TPR: variants seen among roughly 807,000 people sequenced by gnomAD.
The protein encoded by TPR is nucleoprotein TPR.
TPR carries 51 observed loss-of-function variants against 316.1 expected under a neutral mutation model. The observed-to-expected ratio is 0.16, with a 90% CI of 0.13 to 0.20. TPR has a LOEUF of 0.20. Ranked by LOEUF, TPR falls within the 10% of genes least tolerant of loss-of-function variation. The pLI, the probability that TPR is intolerant of heterozygous loss-of-function variation, is 1.00. For synonymous variants in TPR, 981 were observed against 914.7 expected (o/e 1.07, Z -1.31); for missense variants, 2,272 against 2,754.8 (o/e 0.82, Z 3.92).
At position 186,357,633 on chromosome 1, in the gene TPR, A is replaced by G. The variant is rs1232702311; in HGVS notation, c.1498-10T>C. 26 of 1,608,174 alleles carry G rather than the reference A, an allele frequency of 1.6e-5. No homozygotes were observed. The highest frequency in any genetic ancestry group is 2.1e-5 in the Non-Finnish European group (25 of 1,176,402). On this transcript the variant is annotated splice_polypyrimidine_tract_variant and intron_variant, in intron 13 of 50. Coordinates refer to ENST00000367478, the MANE Select transcript of TPR (RefSeq NM_003292.3). ...TCAAAAGCACTCTAATCTAAAAACA[A>G]AGTTTTAATATGTTATAAAATAGTA...
At chr1:186,360,057 CTA>C in intron 11 of TPR, 61 bp from the exon 12 acceptor site, 1 of 1,528,294 alleles carries the variant, frequency 6.5e-7, no homozygotes, top group East Asian at 2.3e-5. Flanking sequence ...TTTAGTTGAT[CTA>C]GTTTCATAAT....
At chr1:186,350,121 C>T in intron 21 of TPR, 102 bp downstream of exon 21, 2 of 1,113,630 alleles carry the variant, frequency 1.8e-6, no homozygotes, top group Non-Finnish European at 1.2e-6. Context: ...TTTCATTTTA[C>T]TAGCATTCAC....
Position 186,337,098 on chromosome 1 carries a change from T to C in TPR, c.4421A>G (p.Gln1474Arg). The C allele has an allele frequency of 3.1e-6, 5 of 1,613,926 alleles. No homozygotes were observed. Among genetic ancestry groups the C allele is most frequent in the Non-Finnish European group, 4.2e-6 (5 of 1,179,834 alleles). Residue 1474 changes from glutamine to arginine, a missense_variant, in exon 32 of 51, where the codon CAG becomes CGG. Physicochemically the swap from Gln to Arg is conservative, Grantham distance 43. Transcript: ENST00000367478. ...GDHQEQHVSV[Q>R]EMQELKETLN... ...CGTTTCTTTGAGTTCCTGCATTTCC[T>C]GGACTGAAACATGCTGCTCCTGATG...
At chr1:186,315,005 A>G (rs1177650684) in intron 49 of TPR, among the ~76,000 whole-genome samples, 1 of 152,036 alleles carries the variant, frequency 6.6e-6, no homozygotes, top group African/African-American at 2.4e-5. Context: ...TGTTTCTACA[A>G]AATTATAAAA....
intron 22 of TPR, among the ~76,000 whole-genome samples, chr1:186,347,077 T>C (rs186642542): frequency 4.1e-4 from 62 of 152,322 alleles, no homozygotes; most frequent in African/African-American, 1.5e-3. Context: ...ACATTTTATC[T>C]GGACCATTCC....
chr1:186,320,480 T>TG (rs1458284114), intron 45 of TPR, 62 bp from the exon 46 acceptor site: 18 of 1,384,924 alleles, frequency 1.3e-5, no homozygotes, highest in Non-Finnish European at 1.6e-5. Context: ...ACCACAATGG[T>TG]GAAAAAAATA....
chr1:186,327,493 T>C lies in TPR; in HGVS notation c.5856A>G (p.Glu1952=), dbSNP rs199691979. 348 of 1,610,702 alleles carry C rather than the reference T, an allele frequency of 2.2e-4. 1 individual carries two copies. Among genetic ancestry groups the C allele is most frequent in the Non-Finnish European group, 2.8e-4 (327 of 1,179,374 alleles). ...CTCCATCATTTTCATCATCATCCTC[T>C]TCTTCATCATCACTGTCAATTACAA... ...DVIVIDSDDE[E]EDDDENDGEH... The change falls in exon 40 of 51, where the codon GAA becomes GAG. Residue 1952 remains glutamate, a synonymous_variant. Coordinates refer to ENST00000367478, the MANE Select transcript of TPR (RefSeq NM_003292.3).
chr1:186,335,002 A>G lies in TPR; in HGVS notation c.4973+66T>C, dbSNP rs1031212837. 6 of 1,498,376 alleles carry G rather than the reference A, an allele frequency of 4.0e-6. No homozygotes were observed. In the African/African-American group the frequency reaches 5.6e-5, roughly 14 times the overall value. 92.8% of individuals were successfully genotyped at this position (1,498,376 alleles called of 1,614,324 possible). On this transcript the variant is annotated intron_variant, in intron 35 of 50. Coordinates refer to ENST00000367478, the MANE Select transcript of TPR (RefSeq NM_003292.3). ...CACAGATTTCTTTTTCCTAAACAGA[A>G]AGATCACTAGATATTCCCTGAGCTT...
intron 49 of TPR, among the ~76,000 whole-genome samples, chr1:186,315,253 C>G (rs1158900740): frequency 6.7e-6 from 1 of 149,460 alleles, no homozygotes; most frequent in African/African-American, 2.5e-5. Flanking sequence ...CAAAAAAAAA[C>G]CAGAAGTGCT....
rs1308345825 is a variant in TPR at position 186,327,125 on chromosome 1, A to AT, written c.5889+334_5889+335insA. Among the ~76,000 whole-genome samples, 5 of 9,526 alleles carry AT rather than the reference A, an allele frequency of 5.2e-4. 1 individual carries two copies. The East Asian group carries it at 0.01, about 20-fold the overall frequency. The allele number at this position is 9,526 out of a possible 152,430, so 6.2% of individuals were successfully genotyped here. A position where few individuals can be genotyped will look rare whatever the true frequency, so the allele number is the denominator to read the frequency against. On this transcript the variant is annotated intron_variant, in intron 40 of 50. Transcript: ENST00000367478. ...TATATATAAATATATATAAATATAT[A>AT]ACATATATATTATATATATAAATAT...
chr1:186,313,011 TATTCTA>T lies in TPR; in HGVS notation c.*954_*959del, dbSNP rs1657398335. Reference sequence around the variant, plus strand: ...ATGTGAGAAGTTACACTACGGTACTTATTCTAATTGCTGTGGAAAAGAGTTAAGACT... The same window carrying T: ...ATGTGAGAAGTTACACTACGGTACTTATTGCTGTGGAAAAGAGTTAAGACT... On this transcript the variant is annotated 3_prime_UTR_variant, in exon 51 of 51. Transcript: ENST00000367478. 3 of 1,104,908 alleles carry T rather than the reference TATTCTA, an allele frequency of 2.7e-6. No homozygotes were observed. Among genetic ancestry groups the T allele is most frequent in the Non-Finnish European group, 4.1e-6 (3 of 732,828 alleles). The allele number at this position is 1,104,908 out of a possible 1,614,324, so 68.4% of individuals were successfully genotyped here. A position where few individuals can be genotyped will look rare whatever the true frequency, so the allele number is the denominator to read the frequency against.
At position 186,347,293 on chromosome 1, in the gene TPR, T is replaced by C; in HGVS notation, c.2942A>G (p.Gln981Arg). The change falls in exon 22 of 51, where the codon CAG (glutamine) becomes CGG (arginine). Residue 981 changes from glutamine (Q) to arginine (R), a missense_variant and splice_region_variant. By Grantham distance (43) the Gln-to-Arg change is conservative. Around this residue, in one of 10 missense-constraint regions of TPR, gnomAD observed 757 missense variants for 859.8 expected, o/e 0.88. Coordinates refer to ENST00000367478, the MANE Select transcript of TPR (RefSeq NM_003292.3). The part of the protein sequence containing the change: ...SLEESLNKEK[Q>R]VTEEVRKNIE... The stretch of plus-strand genomic sequence containing the variant: ...TTCTGAATTCAGAATTATACATACC[T>C]GTTTTTCCTTGTTCAGGGATTCTTC... The C allele has an allele frequency of 6.2e-7, 1 of 1,613,402 alleles. No homozygotes were observed. Among genetic ancestry groups the C allele is most frequent in the Non-Finnish European group, 8.5e-7 (1 of 1,179,688 alleles).
chr1:186,325,510 TATA>T (rs1657897446), intron 42 of TPR: 1 of 309,314 alleles, frequency 3.2e-6, no homozygotes, highest in African/African-American at 2.2e-5. Flanking sequence ...ATATAGCATT[TATA>T]ATACCGTAAG....
chr1:186,342,536 A>G (rs1420473763), intron 27 of TPR: 1 of 152,216 alleles, frequency 6.6e-6, no homozygotes, highest in Admixed American at 6.5e-5. Context: ...ATACATTTGA[A>G]TTAAACAGGA....
In TPR at chr1:186,350,324, T is replaced by G. The variant is rs757476987; in HGVS notation, c.2675A>C (p.Glu892Ala). Residue 892 changes from glutamate (E) to alanine (A), a missense_variant, in exon 21 of 51, where the codon GAA becomes GCA. By Grantham distance (107) the Glu-to-Ala change is moderately radical. This residue lies in a region of TPR where 757 missense variants were observed against 859.8 expected (regional missense o/e 0.88). Transcript: ENST00000367478. ...TTCTTTTTGAGCATTTTTTAATAGT[T>G]CTTTTGTGTTAAGATGAAGATTTGT... Reference protein sequence around the residue: ...TETNLHLNTKELLKNAQKEIA... With the variant: ...TETNLHLNTKALLKNAQKEIA... 6.2e-7 allele frequency: 1 copy of G among 1,613,698 alleles called. No homozygotes were observed. Among genetic ancestry groups the G allele is most frequent in the Admixed American group, 1.7e-5 (1 of 60,000 alleles).
intron 13 of TPR, among the ~76,000 whole-genome samples, chr1:186,358,103 C>T (rs935715975): frequency 6.6e-6 from 1 of 152,018 alleles, no homozygotes; most frequent in Non-Finnish European, 1.5e-5. Context: ...TATTGATTTG[C>T]TTGTTAAGTG....
rs746897607 is a variant in TPR at position 186,375,110 on chromosome 1, C to A, written c.-82G>T. 7.0e-6 allele frequency: 11 copies of A among 1,570,444 alleles called. No individual in the cohort carries two copies. The African/African-American group carries it at 1.5e-4, about 21-fold the overall frequency. On this transcript the variant is annotated 5_prime_UTR_variant, in exon 1 of 51. Transcript: ENST00000367478. The stretch of plus-strand genomic sequence containing the variant: ...AAGGCGAAGACCAGCAGGACCCAGA[C>A]GCCTGGGCCGCCGCCTCTATCACCT...
intron 17 of TPR, 137 bp from the exon 18 acceptor site, chr1:186,353,987 CAT>C: frequency 3.0e-6 from 2 of 673,204 alleles, no homozygotes; most frequent in South Asian, 4.5e-5. Flanking sequence ...TAACATCATA[CAT>C]ATTTCTGTTA....
At chr1:186,353,184 AAC>A (rs1658918213) in intron 18 of TPR, among the ~76,000 whole-genome samples, 1 of 152,140 alleles carries the variant, frequency 6.6e-6, no homozygotes, top group Admixed American at 6.5e-5. Context: ...CATCCTGGCT[AAC>A]ACAGTGAAAC....
Sources: allele counts gnomAD v4.1 joint callset (sites outside exome capture counted in the v4.1 genomes callset), GRCh38; gene constraint gnomAD v4.1.1; regional missense constraint gnomAD v4.1.1; transcripts MANE v1.5; gene names NCBI Gene and HGNC (gene_info 2026-07-23, HGNC 2026-07-21).